SLC35D4: variants seen among roughly 807,000 people sequenced by gnomAD.
The protein encoded by SLC35D4 is solute carrier family 35 member D4, also known as UDP-N-acetylglucosamine transporter SLC35D4.
the SLC35D4 span, among the ~76,000 whole-genome samples, chr18:23,319,301 C>T: frequency 3.3e-5 from 5 of 151,332 alleles, no homozygotes; most frequent in South Asian, 6.3e-4. Flanking sequence ...GATGGAGTCT[C>T]GCTCTGTTGC....
chr18:23,349,508 G>A, the SLC35D4 span, among the ~76,000 whole-genome samples: 2 of 152,218 alleles, frequency 1.3e-5, no homozygotes, highest in African/African-American at 2.4e-5. Flanking sequence ...GCACGCACCT[G>A]TAGTCCCAGC....
At chr18:23,291,622 T>C in the SLC35D4 span, among the ~76,000 whole-genome samples, 2 of 152,184 alleles carry the variant, frequency 1.3e-5, no homozygotes, top group Admixed American at 1.3e-4. Flanking sequence ...GCCTGTCTCC[T>C]GGAGCACCCA....
the SLC35D4 span, chr18:23,356,465 C>T: frequency 1.1e-6 from 1 of 904,208 alleles, no homozygotes; most frequent in Non-Finnish European, 1.8e-6. This position sits in a 1 kb window ranked among gnomAD's most constrained non-coding sequence, Gnocchi z 4.1. Context: ...ATGACTGCTT[C>T]CTTGCCTGCA....
chr18:23,432,510 G>A, the SLC35D4 span, among the ~76,000 whole-genome samples: 6 of 151,788 alleles, frequency 4.0e-5, no homozygotes, highest in South Asian at 2.1e-4. Context: ...GTGAAACCCC[G>A]TCTCTACTAA....
At chr18:23,241,347 G>T in the SLC35D4 span, among the ~76,000 whole-genome samples, 1 of 151,922 alleles carries the variant, frequency 6.6e-6, no homozygotes, top group African/African-American at 2.4e-5. Context: ...CCTGGCTAAC[G>T]TGATGAAACT....
the SLC35D4 span, among the ~76,000 whole-genome samples, chr18:23,373,167 TA>T: frequency 6.6e-6 from 1 of 151,804 alleles, no homozygotes; most frequent in African/African-American, 2.4e-5. Context: ...TACAAAAAAT[TA>T]GCTGGGCATG....
chr18:23,271,721 C>T, the SLC35D4 span, among the ~76,000 whole-genome samples: 2 of 152,138 alleles, frequency 1.3e-5, no homozygotes, highest in Admixed American at 6.5e-5. Flanking sequence ...CTTCCAGCCC[C>T]ATCTCCGACC....
At chr18:23,342,859 T>C in the SLC35D4 span, among the ~76,000 whole-genome samples, 1 of 152,244 alleles carries the variant, frequency 6.6e-6, no homozygotes, top group Non-Finnish European at 1.5e-5. Flanking sequence ...ACCATTTAGA[T>C]ATCTTCTTTT....
At chr18:23,262,074 G>A in the SLC35D4 span, among the ~76,000 whole-genome samples, 1 of 152,110 alleles carries the variant, frequency 6.6e-6, no homozygotes, top group East Asian at 1.9e-4. Flanking sequence ...CCATTCCTCC[G>A]TATTAGCATA....
the SLC35D4 span, among the ~76,000 whole-genome samples, chr18:23,408,149 AC>A: frequency 2.4e-3 from 4 of 1,680 alleles, no homozygotes; most frequent in East Asian, 0.29. Context: ...CTGGCCTGAG[AC>A]ACACACACAC....
chr18:23,378,176 G>A, the SLC35D4 span, among the ~76,000 whole-genome samples: 309 of 151,200 alleles, frequency 2.0e-3, no homozygotes, highest in African/African-American at 7.3e-3. Context: ...GAGCCACCAT[G>A]TATGGCTACT....
chr18:23,419,281 A>T, the SLC35D4 span, among the ~76,000 whole-genome samples: 1 of 151,750 alleles, frequency 6.6e-6, no homozygotes, highest in Non-Finnish European at 1.5e-5. Context: ...GGTCTTTAAA[A>T]TTTCTTTTTT....
chr18:23,253,105 A>C, the SLC35D4 span: 1 of 1,149,234 alleles, frequency 8.7e-7, no homozygotes, highest in African/African-American at 1.5e-5. Flanking sequence ...TTTCCCTGCA[A>C]ACCCCTCTTT....
At chr18:23,364,052 A>T in the SLC35D4 span, among the ~76,000 whole-genome samples, 1 of 152,222 alleles carries the variant, frequency 6.6e-6, no homozygotes, top group African/African-American at 2.4e-5. Context: ...ACAATCCAGA[A>T]GCATTATTCC....
At chr18:23,363,512 C>T in the SLC35D4 span, among the ~76,000 whole-genome samples, 3 of 151,092 alleles carry the variant, frequency 2.0e-5, no homozygotes, top group South Asian at 6.3e-4. Context: ...GTAGCTGGGA[C>T]TACAGGCGCC....
chr18:23,352,789 C>A, the SLC35D4 span, among the ~76,000 whole-genome samples: 1 of 152,168 alleles, frequency 6.6e-6, no homozygotes, highest in African/African-American at 2.4e-5. Context: ...CCAGAAGTCC[C>A]CCAAACCAGG....
chr18:23,356,757 G>A, the SLC35D4 span: 3 of 1,093,294 alleles, frequency 2.7e-6, no homozygotes, highest in Non-Finnish European at 4.1e-6. This position sits in a 1 kb window ranked among gnomAD's most constrained non-coding sequence, Gnocchi z 4.1. Flanking sequence ...GGCGTCTTTA[G>A]CAGTCCTGTG....
At chr18:23,301,509 AC>A in the SLC35D4 span, among the ~76,000 whole-genome samples, 1 of 152,184 alleles carries the variant, frequency 6.6e-6, no homozygotes. Context: ...TTTTCTAAAG[AC>A]CCTCAGTGTT....
At chr18:23,432,762 C>T in the SLC35D4 span, among the ~76,000 whole-genome samples, 5 of 151,140 alleles carry the variant, frequency 3.3e-5, no homozygotes, top group East Asian at 2.0e-4. Context: ...GAGGCCAAGG[C>T]GGGAGCCCAG....
Sources: gnomAD v4.1 joint callset for allele counts (sites outside exome capture counted in the v4.1 genomes callset) on GRCh38, gnomAD v4.1.1 for gene constraint, Gnocchi (gnomAD v3.1) non-coding constraint, MANE v1.5 for transcripts, NCBI Gene and HGNC (gene_info 2026-07-23, HGNC 2026-07-21) for gene names.